The following ZBED6 variants were observed in gnomAD, a reference collection of about 807,000 sequenced individuals.
ZBED6 encodes the protein zinc finger BED domain-containing protein 6.
Under a neutral mutation model 58.4 loss-of-function variants are expected in ZBED6, and 40 were observed. The observed-to-expected ratio is 0.68, with a 90% CI of 0.53 to 0.89. The LOEUF (loss-of-function observed/expected upper bound fraction) is 0.89. Ranked by LOEUF, ZBED6 falls within the 40% of genes least tolerant of loss-of-function variation. The probability of loss-of-function intolerance (pLI) is 0.00; values close to 1 mark genes in which losing one functional copy is unlikely to be tolerated. For synonymous variants in ZBED6, 439 were observed against 350.6 expected (o/e 1.25, Z -2.82); for missense variants, 1,057 against 1,003.9 (o/e 1.05, Z -0.71).
At chr1:203,833,718 T>G in intron 8 of ZBED6, 73 bp from the exon 9 acceptor site, 1 of 1,297,214 alleles carries the variant, frequency 7.7e-7, no homozygotes, top group African/African-American at 1.5e-5. Flanking sequence ...AGAACATACT[T>G]TGTACCCATT....
rs1168436828 is a variant in ZBED6 at position 203,838,216 on chromosome 1, G to A, written c.*3672+152G>A. The A allele has an allele frequency of 1.0e-5, 8 of 788,454 alleles. No homozygotes were observed. The East Asian group carries it at 2.2e-4, about 21-fold the overall frequency. The allele number at this position is 788,454 out of a possible 1,614,324, so 48.8% of individuals were successfully genotyped here. A position where few individuals can be genotyped will look rare whatever the true frequency, so the allele number is the denominator to read the frequency against. On this transcript the variant is annotated intron_variant, in intron 10 of 16. Transcript: ENST00000550078. ...TCACTCAACAAACATTTGATCCTTA[G>A]TCTGCTAGATTCTGGGTAGACACCA...
chr1:203,797,697 C>T, exon 1 of ZBED6: 3 of 1,535,156 alleles, frequency 2.0e-6, no homozygotes, highest in Non-Finnish European at 2.6e-6. Flanking sequence ...GGCAAAACAG[C>T]CTGCTAAAAA....
intron 1 of ZBED6, chr1:203,805,997 C>A: frequency 1.8e-6 from 1 of 569,654 alleles, no homozygotes; most frequent in South Asian, 1.5e-5. Flanking sequence ...GTGTAATTAA[C>A]TTGTTTCATG....
chr1:203,797,892 T>C, exon 1 of ZBED6: 7 of 1,536,138 alleles, frequency 4.6e-6, no homozygotes, highest in Non-Finnish European at 6.1e-6. Flanking sequence ...AAAACAGATC[T>C]ATCTACCTAG....
rs12075358 is a variant in ZBED6 at position 203,836,645 on chromosome 1, A to T, written c.*3574-1321A>T. ...ACAAAAATCAGCCAGGCATGGTGGC[A>T]TGCGCCTGTAATTCCAGCTACTCGG... is the stretch of plus-strand genomic sequence containing the variant. On this transcript the variant is annotated intron_variant, in intron 9 of 16. Coordinates refer to ENST00000550078, the Ensembl canonical transcript of ZBED6. 4.3e-3 allele frequency among the ~76,000 whole-genome samples: 658 copies of T among 152,306 alleles called. 7 individuals carry two copies. The highest frequency in any genetic ancestry group is 0.015 in the African/African-American group (627 of 41,564).
exon 5 of ZBED6, chr1:203,829,546 T>A (rs954391582): frequency 3.1e-6 from 5 of 1,613,814 alleles, no homozygotes; most frequent in Non-Finnish European, 4.2e-6. Context: ...GTCCAATCCT[T>A]CCCCTCAGCT....
intron 11 of ZBED6, among the ~76,000 whole-genome samples, chr1:203,846,055 T>G (rs1385852881): frequency 7.3e-6 from 1 of 136,722 alleles, no homozygotes; most frequent in Non-Finnish European, 1.5e-5. Context: ...GGCAGAAGGA[T>G]CACTTGAAGC....
At chr1:203,838,359 A>G (rs1269487728) in intron 10 of ZBED6, among the ~76,000 whole-genome samples, 2 of 152,362 alleles carry the variant, frequency 1.3e-5, no homozygotes, top group East Asian at 3.9e-4. Flanking sequence ...GGTAACACAT[A>G]GGAGAGGCAT....
exon 14 of ZBED6, chr1:203,849,981 T>C (rs1688870919): frequency 1.9e-6 from 3 of 1,614,032 alleles, no homozygotes; most frequent in Non-Finnish European, 2.5e-6. Flanking sequence ...AGACTCATTA[T>C]TGAATGTGAA....
intron 1 of ZBED6, chr1:203,805,650 C>A: frequency 1.4e-6 from 1 of 704,370 alleles, no homozygotes; most frequent in South Asian, 1.3e-5. Flanking sequence ...AATCCAAATT[C>A]ATCCACCAGA....
intron 3 of ZBED6, among the ~76,000 whole-genome samples, chr1:203,826,758 C>T (rs1680651332): frequency 6.6e-6 from 1 of 152,152 alleles, no homozygotes; most frequent in African/African-American, 2.4e-5. Context: ...CGACATAATG[C>T]AGTTCATCGG....
At chr1:203,837,697 C>T (rs768182018) in intron 9 of ZBED6, among the ~76,000 whole-genome samples, 1 of 152,036 alleles carries the variant, frequency 6.6e-6, no homozygotes, top group Non-Finnish European at 1.5e-5. Flanking sequence ...AGGCTGGTCT[C>T]GAACTCCTGG....
chr1:203,831,007 G>T (rs536499161), intron 7 of ZBED6, among the ~76,000 whole-genome samples: 2 of 125,812 alleles, frequency 1.6e-5, no homozygotes, highest in East Asian at 2.8e-4. Context: ...GTGCAATGGC[G>T]CAATCTTTGC....
chr1:203,819,077 A>T (rs12750595), intron 3 of ZBED6, among the ~76,000 whole-genome samples: 76,798 of 132,222 alleles, frequency 0.58, 21,208 homozygotes, highest in Middle Eastern at 0.68. Context: ...CAAAAAAAAA[A>T]ATATATATAT....
exon 1 of ZBED6, chr1:203,796,249 C>T: frequency 2.5e-6 from 1 of 395,028 alleles, no homozygotes; most frequent in Non-Finnish European, 4.5e-6. Flanking sequence ...ATCAATCAGA[C>T]TGAGTGCCGG....
rs908111810 is a variant in ZBED6 at position 203,818,531 on chromosome 1, T to C, written c.*2754-39T>C. Reference sequence around the variant, plus strand: ...TATGGATATTTTACCTAGGATGTATTTCAATGCTACAAATAGAGTGTTCTC... The same window carrying C: ...TATGGATATTTTACCTAGGATGTATCTCAATGCTACAAATAGAGTGTTCTC... On this transcript the variant is annotated intron_variant, in intron 2 of 16. Transcript: ENST00000550078. The C allele has an allele frequency of 1.9e-6, 3 of 1,612,908 alleles. No homozygotes were observed. The African/African-American group carries it at 4.0e-5, about 22-fold the overall frequency.
chr1:203,817,162 T>G, intron 2 of ZBED6, 38 bp downstream of exon 2: 1 of 1,536,794 alleles, frequency 6.5e-7, no homozygotes, highest in Middle Eastern at 1.7e-4. Flanking sequence ...CTTTCTACAA[T>G]TTGCTTAATA....
exon 8 of ZBED6, chr1:203,831,679 C>G: frequency 1.2e-6 from 2 of 1,612,602 alleles, no homozygotes; most frequent in Non-Finnish European, 1.7e-6. Context: ...TCAGGAGTTT[C>G]CAGTCTTTTA....
At chr1:203,852,958 A>G (rs1475420282) in exon 17 of ZBED6, 1 of 156,524 alleles carries the variant, frequency 6.4e-6, no homozygotes, top group East Asian at 1.9e-4. Flanking sequence ...GAAGCCTGTA[A>G]TGTGGGCATA....
Sources: gnomAD v4.1 joint callset for allele counts (sites outside exome capture counted in the v4.1 genomes callset) on GRCh38, gnomAD v4.1.1 for gene constraint, MANE v1.5 for transcripts, NCBI Gene and HGNC (gene_info 2026-07-23, HGNC 2026-07-21) for gene names.